PCDH7: variants seen among roughly 807,000 people sequenced by gnomAD.
PCDH7 encodes the protein protocadherin-7.
A neutral mutation model predicts 58.9 loss-of-function variants in PCDH7; 17 were observed. The observed-to-expected ratio is 0.29, with a 90% confidence interval of 0.20 to 0.43. PCDH7 has a LOEUF of 0.43. Among genes scored for constraint, PCDH7 ranks in the 20% least tolerant of loss-of-function variants. The probability of loss-of-function intolerance (pLI) is 1.00; values close to 1 mark genes in which losing one functional copy is unlikely to be tolerated. For synonymous variants in PCDH7, 664 were observed against 616.4 expected (o/e 1.08, Z -1.14); for missense variants, 1,274 against 1,441.0 (o/e 0.88, Z 1.88).
chr4:30,940,513 A>G (rs7667395), intron 2 of PCDH7, among the ~76,000 whole-genome samples: 73,114 of 151,770 alleles, frequency 0.48, 17,831 homozygotes, highest in African/African-American at 0.56. Context: ...TTTGTGCATT[A>G]TGTATAAATA....
At chr4:30,775,729 T>C (rs1010306586) in intron 1 of PCDH7, among the ~76,000 whole-genome samples, 19 of 152,034 alleles carry the variant, frequency 1.2e-4, no homozygotes, top group African/African-American at 4.6e-4. Context: ...AAACCCCATC[T>C]CTACTAAAAA....
intron 3 of PCDH7, among the ~76,000 whole-genome samples, chr4:31,131,782 A>G (rs1046494418): frequency 6.6e-6 from 1 of 152,220 alleles, no homozygotes; most frequent in Non-Finnish European, 1.5e-5. Flanking sequence ...TATGATTTGA[A>G]TATATTATCT....
intron 3 of PCDH7, among the ~76,000 whole-genome samples, chr4:31,134,510 A>G (rs1719363907): frequency 2.0e-5 from 3 of 152,122 alleles, no homozygotes; most frequent in African/African-American, 7.2e-5. Context: ...TTGTTGTTAG[A>G]TCCTGGGTTA....
At position 30,779,060 on chromosome 4, in the gene PCDH7, G is replaced by C. The variant is rs754603415; in HGVS notation, c.70+54464G>C. On this transcript the variant is annotated intron_variant, in intron 1 of 3. Coordinates refer to the PCDH7 transcript ENST00000509759. ...TGGAGACGGAGTCTCACTCTGTGTC[G>C]TTCAGGCTGGAGTGCAGTGGTGCAA... is the stretch of plus-strand genomic sequence containing the variant. 3.3e-5 allele frequency among the ~76,000 whole-genome samples: 4 copies of C among 119,996 alleles called. No individual in the cohort carries two copies. In the East Asian group the frequency reaches 1.0e-3, roughly 31 times the overall value. 78.7% of individuals were successfully genotyped at this position (119,996 alleles called of 152,430 possible). A position where few individuals can be genotyped will look rare whatever the true frequency, so the allele number is the denominator to read the frequency against.
chr4:31,037,019 C>G (rs550187795), intron 3 of PCDH7, among the ~76,000 whole-genome samples: 1 of 152,088 alleles, frequency 6.6e-6, no homozygotes, highest in African/African-American at 2.4e-5. Flanking sequence ...TACCTCCCAC[C>G]GCGTCCCTCC....
At chr4:30,928,132 C>A in intron 2 of PCDH7, among the ~76,000 whole-genome samples, 1 of 152,118 alleles carries the variant, frequency 6.6e-6, no homozygotes, top group East Asian at 1.9e-4. Context: ...TGCACCTGTT[C>A]AAGGCTGTTC....
rs1355922965 is a variant in PCDH7, at chr4:30,812,334, G to C, written c.70+87738G>C. Among the ~76,000 whole-genome samples the C allele has an allele frequency of 5.3e-5, 8 of 152,144 alleles. No homozygotes were observed. In the East Asian group the frequency reaches 1.5e-3, roughly 29 times the overall value. On this transcript the variant is annotated intron_variant, in intron 1 of 3. Coordinates refer to the PCDH7 transcript ENST00000509759. ...ATATTTGTTTTATTGTTATCCTTAA[G>C]TATTTTGAAAGTAATACTTGGAAAT...
At chr4:30,818,549 A>G (rs757349108) in intron 1 of PCDH7, among the ~76,000 whole-genome samples, 7 of 152,158 alleles carry the variant, frequency 4.6e-5, no homozygotes, top group Non-Finnish European at 1.0e-4. Context: ...TCCAATGATC[A>G]TAATTAATTC....
At chr4:30,821,632 A>T (rs2109321926) in intron 1 of PCDH7, among the ~76,000 whole-genome samples, 1 of 152,266 alleles carries the variant, frequency 6.6e-6, no homozygotes, top group African/African-American at 2.4e-5. Flanking sequence ...CTACAAATGC[A>T]CTTGTCTTCT....
chr4:30,785,130 C>CA (rs1723233824), intron 1 of PCDH7, among the ~76,000 whole-genome samples: 1 of 151,840 alleles, frequency 6.6e-6, no homozygotes, highest in African/African-American at 2.4e-5. Flanking sequence ...AATAACTTCA[C>CA]AAAAATAGTT....
intron 1 of PCDH7, among the ~76,000 whole-genome samples, chr4:30,906,689 A>G (rs911488195): frequency 2.0e-5 from 3 of 152,214 alleles, no homozygotes; most frequent in Non-Finnish European, 4.4e-5. Flanking sequence ...AAGTGCTGTT[A>G]TATAGCATCT....
At chr4:30,750,502 G>C (rs1718366874) in intron 1 of PCDH7, among the ~76,000 whole-genome samples, 1 of 152,138 alleles carries the variant, frequency 6.6e-6, no homozygotes, top group South Asian at 2.1e-4. Flanking sequence ...TCAACTCTGT[G>C]AATCTGTGAG....
At chr4:30,900,175 C>T (rs1379776938) in intron 1 of PCDH7, among the ~76,000 whole-genome samples, 3 of 152,088 alleles carry the variant, frequency 2.0e-5, no homozygotes, top group African/African-American at 7.2e-5. Flanking sequence ...CCCATTTTCC[C>T]CCCATATTAG....
chr4:30,950,699 T>C (rs1184500591), intron 3 of PCDH7, among the ~76,000 whole-genome samples: 7 of 152,168 alleles, frequency 4.6e-5, no homozygotes, highest in Admixed American at 4.6e-4. Flanking sequence ...TATAAGCTAG[T>C]TTAATAAATC....
chr4:31,077,590 C>T (rs1304463930), intron 3 of PCDH7, among the ~76,000 whole-genome samples: 2 of 152,054 alleles, frequency 1.3e-5, no homozygotes, highest in Non-Finnish European at 2.9e-5. Flanking sequence ...GCTCCCATTT[C>T]TTAGTATGTC....
At chr4:31,008,908 GT>G in intron 3 of PCDH7, among the ~76,000 whole-genome samples, 1 of 151,982 alleles carries the variant, frequency 6.6e-6, no homozygotes, top group Non-Finnish European at 1.5e-5. Context: ...AATTTGCAGA[GT>G]TATGTAATTT....
intron 3 of PCDH7, among the ~76,000 whole-genome samples, chr4:31,127,317 A>C (rs1428164380): frequency 1.3e-5 from 2 of 152,150 alleles, no homozygotes; most frequent in African/African-American, 4.8e-5. Flanking sequence ...ATTTTTTTAC[A>C]CTATGAGTTT....
intron 1 of PCDH7, among the ~76,000 whole-genome samples, chr4:30,808,895 C>T (rs1272405794): frequency 1.3e-5 from 2 of 152,126 alleles, no homozygotes; most frequent in African/African-American, 4.8e-5. Flanking sequence ...ACTTAGAGGT[C>T]TTCATCAGTG....
At chr4:31,099,751 A>G (rs1216752075) in intron 3 of PCDH7, among the ~76,000 whole-genome samples, 1 of 152,128 alleles carries the variant, frequency 6.6e-6, no homozygotes, top group East Asian at 1.9e-4. Context: ...GGCTTCTTTC[A>G]TTCCTAAACC....
Sources: allele counts gnomAD v4.1 joint callset (sites outside exome capture counted in the v4.1 genomes callset), GRCh38; gene constraint gnomAD v4.1.1; transcripts MANE v1.5; gene names NCBI Gene and HGNC (gene_info 2026-07-23, HGNC 2026-07-21).